Variants in OSBP2 observed in about 807,000 individuals in gnomAD.
OSBP2 encodes oxysterol binding protein 2.
OSBP2 carries 66 observed loss-of-function variants against 96.0 expected under a neutral mutation model. The ratio of observed to expected loss-of-function variants is 0.69; its 90% CI spans 0.56 to 0.84. The LOEUF (loss-of-function observed/expected upper bound fraction) is 0.84, where lower values mean the gene tolerates loss of function less well. Ranked by LOEUF, OSBP2 falls within the 40% of genes least tolerant of loss-of-function variation. OSBP2 has a pLI of 0.00. For synonymous variants in OSBP2, 525 were observed against 520.9 expected (o/e 1.01, Z -0.11); for missense variants, 1,038 against 1,222.7 (o/e 0.85, Z 2.25).
intron 12 of OSBP2, among the ~76,000 whole-genome samples, chr22:30,896,300 G>A (rs1022625507): frequency 1.1e-4 from 16 of 152,106 alleles, no homozygotes; most frequent in Non-Finnish European, 1.9e-4. Context: ...GATTACAGGT[G>A]TGAGCCACCA....
intron 1 of OSBP2, among the ~76,000 whole-genome samples, chr22:30,716,188 C>T (rs2089453086): frequency 6.6e-6 from 1 of 151,332 alleles, no homozygotes; most frequent in African/African-American, 2.4e-5. Flanking sequence ...ATTACAGGTG[C>T]CTGCCACCAC....
chr22:30,872,607 C>G, intron 3 of OSBP2: 1 of 354,226 alleles, frequency 2.8e-6, no homozygotes, highest in South Asian at 2.1e-5. Context: ...CCCTGAGTGA[C>G]GGAAGCTGTG....
intron 2 of OSBP2, among the ~76,000 whole-genome samples, chr22:30,795,754 G>C (rs555109345): frequency 2.0e-5 from 3 of 151,804 alleles, no homozygotes; most frequent in Non-Finnish European, 4.4e-5. Flanking sequence ...CCCGACCTCA[G>C]GTGATCCGCC....
intron 2 of OSBP2, among the ~76,000 whole-genome samples, chr22:30,750,054 G>A (rs979268876): frequency 5.3e-5 from 8 of 152,254 alleles, no homozygotes; most frequent in South Asian, 2.1e-4. Context: ...TGGGCCTGAC[G>A]GTCCTCCCAG....
intron 2 of OSBP2, among the ~76,000 whole-genome samples, chr22:30,791,187 A>G (rs2090668793): frequency 6.6e-6 from 1 of 151,206 alleles, no homozygotes; most frequent in Non-Finnish European, 1.5e-5. Context: ...GTTGGCCATG[A>G]TCTTGAACTC....
At position 30,887,598 on chromosome 22, in the gene OSBP2, C is replaced by T; in HGVS notation, c.1280C>T (p.Pro427Leu). ...AGTGCCCCTGGCCGGCCGGCCAACC[C>T]CTCCAAGAGCTTCATTGAGGGTGAG... ...FHSAPGRPAN[P>L]SKSFIEGSLL... Residue 427 changes from proline to leucine, a missense_variant, in exon 4 of 14, where the codon CCC becomes CTC. By Grantham distance (98) the Pro-to-Leu change is moderately conservative (BLOSUM62 -3). Transcript: ENST00000332585. 1.9e-6 allele frequency: 3 copies of T among 1,605,234 alleles called. No individual in the cohort carries two copies. Among genetic ancestry groups the T allele is most frequent in the South Asian group, 1.1e-5 (1 of 90,092 alleles).
At chr22:30,888,145 G>A in intron 4 of OSBP2, 78 bp from the exon 5 acceptor site, 1 of 939,366 alleles carries the variant, frequency 1.1e-6, no homozygotes, top group Non-Finnish European at 1.7e-6. Context: ...GGTTGGGGGA[G>A]CCCTTGGCTC....
At chr22:30,752,117 G>A (rs116877820) in intron 2 of OSBP2, among the ~76,000 whole-genome samples, 3,293 of 152,078 alleles carry the variant, frequency 0.022, 54 homozygotes, top group Non-Finnish European at 0.032. Context: ...GCTGTTCAGC[G>A]GCACCCAGCC....
chr22:30,848,441 A>G (rs2038914722), intron 2 of OSBP2, among the ~76,000 whole-genome samples: 1 of 152,198 alleles, frequency 6.6e-6, no homozygotes, highest in African/African-American at 2.4e-5. Context: ...AATCAACCTT[A>G]TTATTATTGA....
chr22:30,757,001 C>A (rs1163725183), intron 2 of OSBP2, among the ~76,000 whole-genome samples: 2 of 150,136 alleles, frequency 1.3e-5, no homozygotes, highest in African/African-American at 5.1e-5. Context: ...TCCAACCATG[C>A]AGACCACACT....
At chr22:30,723,119 A>G (rs967534449) in intron 1 of OSBP2, among the ~76,000 whole-genome samples, 3 of 150,874 alleles carry the variant, frequency 2.0e-5, no homozygotes, top group African/African-American at 7.3e-5. Context: ...CAATTGGTTG[A>G]TATTTCTTCT....
intron 1 of OSBP2, among the ~76,000 whole-genome samples, chr22:30,695,851 T>C (rs1014157793): frequency 2.6e-5 from 4 of 152,122 alleles, no homozygotes; most frequent in Non-Finnish European, 5.9e-5. Context: ...TTGGCAGTTG[T>C]GGGGCTTGGG....
chr22:30,697,789 C>G (rs1255740120), intron 1 of OSBP2, among the ~76,000 whole-genome samples: 1 of 152,096 alleles, frequency 6.6e-6, no homozygotes, highest in African/African-American at 2.4e-5. Flanking sequence ...CTGACCTTAC[C>G]CAGGTATAAT....
chr22:30,892,956 GGGGGCCTGCCTT>G (rs2039980511), intron 8 of OSBP2, among the ~76,000 whole-genome samples, 154 bp from the exon 9 acceptor site: 2 of 152,160 alleles, frequency 1.3e-5, no homozygotes, highest in African/African-American at 4.8e-5. Flanking sequence ...GTGCCTTCCT[GGGGGCCTGCCTT>G]GGGTCCATGG....
At position 30,890,723 on chromosome 22, in the gene OSBP2, C is replaced by A; in HGVS notation, c.1624-5C>A. On this transcript the variant is annotated splice_region_variant and splice_polypyrimidine_tract_variant and intron_variant, in intron 7 of 13. Coordinates refer to ENST00000332585, the MANE Select transcript of OSBP2 (RefSeq NM_030758.4). This position sits in a 1 kb window ranked among gnomAD's most constrained non-coding sequence, Gnocchi z 4.4. ...CAGCCTGACCACCCACCTGTCCACCCACAGGTGAACTTCAATGAGCCCCTG... is the reference window on the plus strand; with the variant it reads ...CAGCCTGACCACCCACCTGTCCACCAACAGGTGAACTTCAATGAGCCCCTG... The A allele has an allele frequency of 6.2e-7, 1 of 1,611,582 alleles. No individual in the cohort carries two copies. Among genetic ancestry groups the A allele is most frequent in the Non-Finnish European group, 8.5e-7 (1 of 1,179,888 alleles).
intron 2 of OSBP2, among the ~76,000 whole-genome samples, chr22:30,812,005 G>A (rs1057182691): frequency 4.7e-5 from 7 of 150,470 alleles, no homozygotes; most frequent in South Asian, 2.1e-4. Flanking sequence ...ACAGGTACAC[G>A]CAACCACACC....
chr22:30,838,623 G>A (rs184307341), intron 2 of OSBP2, among the ~76,000 whole-genome samples: 10 of 152,202 alleles, frequency 6.6e-5, no homozygotes, highest in Non-Finnish European at 1.0e-4. Context: ...CTCTTATCAA[G>A]TTGAGCAAGT....
At chr22:30,765,066 A>T (rs772391495) in intron 2 of OSBP2, among the ~76,000 whole-genome samples, 6 of 151,682 alleles carry the variant, frequency 4.0e-5, no homozygotes, top group Non-Finnish European at 8.8e-5. Context: ...TTTAATTTAA[A>T]TTTTTTTTAT....
chr22:30,802,878 G>C (rs1175731070), intron 2 of OSBP2, among the ~76,000 whole-genome samples: 1 of 152,004 alleles, frequency 6.6e-6, no homozygotes, highest in African/African-American at 2.4e-5. Context: ...CGGGCGGAGC[G>C]GGCGCACGGC....
Sources: allele counts gnomAD v4.1 joint callset (sites outside exome capture counted in the v4.1 genomes callset), GRCh38; gene constraint gnomAD v4.1.1; non-coding constraint Gnocchi (gnomAD v3.1); transcripts MANE v1.5; gene names NCBI Gene and HGNC (gene_info 2026-07-23, HGNC 2026-07-21).